Variants in SPNS2 observed in about 807,000 individuals in gnomAD.
SPNS2 encodes the protein SPNS lysolipid transporter 2, sphingosine-1-phosphate.
A neutral mutation model predicts 57.6 loss-of-function variants in SPNS2; 37 were observed. The ratio of observed to expected loss-of-function variants is 0.64; its 90% CI spans 0.49 to 0.85. SPNS2 has a LOEUF of 0.85. Among genes scored for constraint, SPNS2 ranks in the 40% least tolerant of loss-of-function variants. The pLI, the probability that SPNS2 is intolerant of heterozygous loss-of-function variation, is 0.00. For missense variants in SPNS2, 831 were observed against 779.1 expected, an observed-to-expected ratio of 1.07 and a Z score of -0.79; for synonymous variants, 440 against 346.9, an observed-to-expected ratio of 1.27 and a Z score of -2.98.
chr17:4,530,668 G>A lies in SPNS2; in HGVS notation c.610G>A (p.Gly204Ser). ...GCTGGTCCTGTCCCGGGGGCTGGTG[G>A]GCATCGGGGAGGCCAGCTACTCCAC... Reference protein sequence around the residue: ...WLLVLSRGLVGIGEASYSTIA... With the variant: ...WLLVLSRGLVSIGEASYSTIA... The change falls in exon 4 of 13, where the codon GGC becomes AGC. Residue 204 changes from glycine (G) to serine (S), a missense_variant. Gly to Ser is a moderately conservative substitution (Grantham distance 56). Transcript: ENST00000329078. 5 of 1,613,670 alleles carry A rather than the reference G, an allele frequency of 3.1e-6. No homozygotes were observed. Among genetic ancestry groups the A allele is most frequent in the Non-Finnish European group, 4.2e-6 (5 of 1,179,870 alleles).
intron 11 of SPNS2, 178 bp downstream of exon 11, chr17:4,536,604 T>C: frequency 1.2e-6 from 1 of 815,540 alleles, no homozygotes; most frequent in Admixed American, 2.8e-5. Flanking sequence ...CCTGGAGCTG[T>C]GGGAGGCCAC....
intron 1 of SPNS2, among the ~76,000 whole-genome samples, chr17:4,502,570 G>A (rs567197356): frequency 2.0e-5 from 3 of 152,110 alleles, no homozygotes; most frequent in South Asian, 2.1e-4. Context: ...GCCAGAGTTC[G>A]AGCCAAGGCT....
At chr17:4,509,335 G>A (rs1392205299) in intron 1 of SPNS2, among the ~76,000 whole-genome samples, 2 of 152,252 alleles carry the variant, frequency 1.3e-5, no homozygotes, top group Non-Finnish European at 2.9e-5. Context: ...AGCTACTCGG[G>A]AGGCTGAGGC....
chr17:4,533,611 T>G (rs1905609017), intron 8 of SPNS2, 177 bp from the exon 9 acceptor site: 5 of 984,452 alleles, frequency 5.1e-6, no homozygotes, highest in Non-Finnish European at 7.6e-6. Context: ...GGCCTCTGGG[T>G]GCCTCAGGGC....
chr17:4,510,218 C>T lies in SPNS2; in HGVS notation c.371-3029C>T, dbSNP rs1567588290. On this transcript the variant is annotated intron_variant, in intron 1 of 12. Transcript: ENST00000329078. The surrounding 1 kb of genome is among the most constrained non-coding windows in gnomAD (Gnocchi z 4.4). ...TGGGCCTCGCAGCCTGCAGGAAGCC[C>T]TGCTCCCTGGGAAGGTTCTCTCTGG... 6.6e-6 allele frequency among the ~76,000 whole-genome samples: 1 copy of T among 152,216 alleles called. No homozygotes were observed. Among genetic ancestry groups the T allele is most frequent in the Non-Finnish European group, 1.5e-5 (1 of 68,038 alleles).
chr17:4,524,955 C>G, intron 2 of SPNS2, 102 bp from the exon 3 acceptor site: 9 of 1,513,802 alleles, frequency 5.9e-6, no homozygotes, highest in Non-Finnish European at 8.0e-6. Context: ...CTTCCTTGGT[C>G]CCTTTGCTCC....
chr17:4,538,858 G>C lies in SPNS2; in HGVS notation c.*1410G>C. ...CTCCACCCCCACTCCAGCCTCAGCG[G>C]GGCCCCAGCGATGTTTTCTTGTTGT... On this transcript the variant is annotated 3_prime_UTR_variant, in exon 13 of 13. Coordinates refer to ENST00000329078, the MANE Select transcript of SPNS2 (RefSeq NM_001124758.3). 1 of 780,338 alleles carries C rather than the reference G, an allele frequency of 1.3e-6. No individual in the cohort carries two copies. The allele number at this position is 780,338 out of a possible 1,614,324, so 48.3% of individuals were successfully genotyped here. A position where few individuals can be genotyped will look rare whatever the true frequency, so the allele number is the denominator to read the frequency against.
chr17:4,537,599 C>T lies in SPNS2; in HGVS notation c.*151C>T. Reference sequence around the variant, plus strand: ...CTCTGGCCCAGGCCTGCTGAGTGGCCCTGGCATCAAGAAGAGGCTGTGTCC... The same window carrying T: ...CTCTGGCCCAGGCCTGCTGAGTGGCTCTGGCATCAAGAAGAGGCTGTGTCC... On this transcript the variant is annotated 3_prime_UTR_variant, in exon 13 of 13. Transcript: ENST00000329078. 2.2e-6 allele frequency: 1 copy of T among 456,698 alleles called. No individual in the cohort carries two copies. The allele number at this position is 456,698 out of a possible 1,614,324, so 28.3% of individuals were successfully genotyped here.
intron 2 of SPNS2, among the ~76,000 whole-genome samples, chr17:4,520,120 A>C (rs931773893): frequency 1.3e-5 from 2 of 151,850 alleles, no homozygotes; most frequent in Non-Finnish European, 2.9e-5. Flanking sequence ...AACTTCCTCC[A>C]CCTCTTGGGG....
chr17:4,535,253 G>A lies in SPNS2; in HGVS notation c.1345-823G>A, dbSNP rs371761783. Among the ~76,000 whole-genome samples, 36 of 152,222 alleles carry A rather than the reference G, an allele frequency of 2.4e-4. 1 individual carries two copies. The highest frequency in any genetic ancestry group is 8.4e-4 in the African/African-American group (35 of 41,506). ...GTTGGGGCCTGCTTGGTCTGATGGG[G>A]GTCTGGGGCCCAGCAGTGCCGGCAT... On this transcript the variant is annotated intron_variant, in intron 9 of 12. Coordinates refer to ENST00000329078, the MANE Select transcript of SPNS2 (RefSeq NM_001124758.3).
At position 4,533,353 on chromosome 17, in the gene SPNS2, G is replaced by A. The variant is rs1347445087; in HGVS notation, c.1199G>A (p.Cys400Tyr). ...ACCCAGCGGGCCGACCCACTGGTGT[G>A]TGCCGTGGGCATGCTGGGCTCTGCC... ...LKTQRADPLV[C>Y]AVGMLGSAIF... Residue 400 changes from cysteine to tyrosine, a missense_variant, in exon 8 of 13, where the codon TGT becomes TAT. By Grantham distance (194) the Cys-to-Tyr change is radical (BLOSUM62 -2). Transcript: ENST00000329078. The A allele has an allele frequency of 3.7e-6, 6 of 1,611,916 alleles. No individual in the cohort carries two copies. The highest frequency in any genetic ancestry group is 5.1e-6 in the Non-Finnish European group (6 of 1,179,678).
chr17:4,527,194 A>T (rs1320259407), intron 3 of SPNS2, among the ~76,000 whole-genome samples: 1 of 152,274 alleles, frequency 6.6e-6, no homozygotes, highest in Non-Finnish European at 1.5e-5. Flanking sequence ...AGACTTTGGC[A>T]ATGTGATTCT....
chr17:4,517,607 G>A (rs1006690254), intron 2 of SPNS2, among the ~76,000 whole-genome samples: 2 of 152,000 alleles, frequency 1.3e-5, no homozygotes, highest in African/African-American at 4.8e-5. Flanking sequence ...AGTGAGCCAA[G>A]ATCACACCAC....
At chr17:4,519,243 G>A (rs1905075756) in intron 2 of SPNS2, among the ~76,000 whole-genome samples, 1 of 152,222 alleles carries the variant, frequency 6.6e-6, no homozygotes, top group Admixed American at 6.5e-5. Context: ...CACAGGGCGG[G>A]GGCTCAGGGC....
At chr17:4,520,398 C>G (rs1008911450) in intron 2 of SPNS2, among the ~76,000 whole-genome samples, 1 of 152,176 alleles carries the variant, frequency 6.6e-6, no homozygotes, top group East Asian at 1.9e-4. Flanking sequence ...GCATGATGGC[C>G]GGGGTCTGGC....
intron 5 of SPNS2, among the ~76,000 whole-genome samples, chr17:4,531,748 C>T (rs1417498745): frequency 2.6e-5 from 4 of 151,924 alleles, no homozygotes; most frequent in South Asian, 4.1e-4. Flanking sequence ...CCAGGGGCTC[C>T]CAGTCCCGGG....
intron 9 of SPNS2, 74 bp downstream of exon 9, chr17:4,533,927 G>C (rs955744356): frequency 8.0e-7 from 1 of 1,248,744 alleles, no homozygotes; most frequent in African/African-American, 1.4e-5. Context: ...GCCTGGGGAG[G>C]GCGGGTGAAG....
intron 2 of SPNS2, among the ~76,000 whole-genome samples, chr17:4,517,415 T>C (rs374501480): frequency 4.7e-4 from 72 of 152,278 alleles, no homozygotes; most frequent in African/African-American, 1.5e-3. Flanking sequence ...CCCAGCACTT[T>C]GGGAGGCTGA....
chr17:4,536,548 C>G (rs1164786686), intron 11 of SPNS2, 122 bp downstream of exon 11: 2 of 1,233,176 alleles, frequency 1.6e-6, no homozygotes, highest in African/African-American at 3.0e-5. Flanking sequence ...CTCAGTGCAC[C>G]CACTGGTTGC....
Sources: gnomAD v4.1 joint callset for allele counts (sites outside exome capture counted in the v4.1 genomes callset) on GRCh38, gnomAD v4.1.1 for gene constraint, Gnocchi (gnomAD v3.1) non-coding constraint, MANE v1.5 for transcripts, NCBI Gene and HGNC (gene_info 2026-07-23, HGNC 2026-07-21) for gene names.